Variants in DUSP26 observed in about 807,000 individuals in gnomAD.
DUSP26 encodes dual specificity phosphatase 26.
Under a neutral mutation model 20.0 loss-of-function variants are expected in DUSP26, and 12 were observed. The ratio of observed to expected loss-of-function variants is 0.60; its 90% CI spans 0.38 to 0.97. The LOEUF is 0.97. Among genes scored for constraint, DUSP26 ranks in the 50% least tolerant of loss-of-function variants. The pLI is 0.00. For missense variants in DUSP26, 230 were observed against 294.0 expected (o/e 0.78, Z 1.59); for synonymous variants, 120 against 118.8 (o/e 1.01, Z -0.06).
chr8:33,597,573 A>T lies in DUSP26; in HGVS notation c.-58T>A. The T allele has an allele frequency of 6.8e-7, 1 of 1,477,112 alleles. No individual in the cohort carries two copies. The highest frequency in any genetic ancestry group is 9.2e-7 in the Non-Finnish European group (1 of 1,084,510). The allele number at this position is 1,477,112 out of a possible 1,614,324, so 91.5% of individuals were successfully genotyped here. ...GAGTGGCTGTGGTGATGATGGGTTC[A>T]GTTGCCAGGTAGCTGCTGCTGGAAG... On this transcript the variant is annotated 5_prime_UTR_variant, in exon 2 of 4. Transcript: ENST00000256261.
intron 2 of DUSP26, among the ~76,000 whole-genome samples, chr8:33,595,122 G>C (rs1811111700): frequency 6.6e-6 from 1 of 152,086 alleles, no homozygotes; most frequent in Non-Finnish European, 1.5e-5. Context: ...CTGTCCCTGG[G>C]GTATTCAGGC....
rs553251035 is a variant in DUSP26 at position 33,594,442 on chromosome 8, A to C, written c.222-695T>G. 2.0e-4 allele frequency among the ~76,000 whole-genome samples: 31 copies of C among 151,664 alleles called. 1 individual carries two copies. In the South Asian group the frequency reaches 6.3e-3, roughly 31 times the overall value. The stretch of plus-strand genomic sequence containing the variant: ...CCCATCTCTACTAAAAATAGAAAAA[A>C]TTAGCTGGGTGTGGTGGTAGGCGCC... On this transcript the variant is annotated intron_variant, in intron 2 of 3. Coordinates refer to ENST00000256261, the MANE Select transcript of DUSP26 (RefSeq NM_024025.3).
intron 1 of DUSP26, chr8:33,597,864 C>A (rs940817443): frequency 3.7e-5 from 9 of 243,694 alleles, no homozygotes; most frequent in Admixed American, 1.6e-4. Flanking sequence ...ATCACCCCAC[C>A]CCCACTGCCA....
chr8:33,595,094 C>G (rs3888869), intron 2 of DUSP26, among the ~76,000 whole-genome samples: 8,211 of 152,080 alleles, frequency 0.054, 351 homozygotes, highest in East Asian at 0.13. Flanking sequence ...TGGAGAACCT[C>G]GAGAGAGAGT....
At chr8:33,597,140 C>T (rs1486663082) in intron 2 of DUSP26, among the ~76,000 whole-genome samples, 155 bp downstream of exon 2, 1 of 152,078 alleles carries the variant, frequency 6.6e-6, no homozygotes, top group Non-Finnish European at 1.5e-5. Flanking sequence ...CTCTCCCAAA[C>T]CTGCAGCCTC....
chr8:33,591,940 C>A lies in DUSP26; in HGVS notation c.*73G>T. The A allele has an allele frequency of 6.3e-7, 1 of 1,575,190 alleles. No homozygotes were observed. The highest frequency in any genetic ancestry group is 1.7e-5 in the Admixed American group (1 of 58,196). On this transcript the variant is annotated 3_prime_UTR_variant, in exon 4 of 4. Coordinates refer to ENST00000256261, the MANE Select transcript of DUSP26 (RefSeq NM_024025.3). ...GATCTGGGCCTCCTGCTACCTGCCA[C>A]CTGGGCCTCCTATCTCCAGCTGGGA... is the stretch of plus-strand genomic sequence containing the variant.
chr8:33,593,568 G>A lies in DUSP26; in HGVS notation c.401C>T (p.Ala134Val). 1 of 1,614,010 alleles carries A rather than the reference G, an allele frequency of 6.2e-7. No homozygotes were observed. The highest frequency in any genetic ancestry group is 8.5e-7 in the Non-Finnish European group (1 of 1,179,900). ...FDMSIHFQTA[A>V]DFIHRALSQP... The stretch of plus-strand genomic sequence containing the variant: ...GCTCAGCGCCCGGTGGATGAAGTCG[G>A]CAGCCGTCTGGAAGTGGATGCTCAT... The change falls in exon 3 of 4, where the codon GCC (alanine) becomes GTC (valine). Residue 134 changes from alanine (A) to valine (V), a missense_variant. Coordinates refer to ENST00000256261, the MANE Select transcript of DUSP26 (RefSeq NM_024025.3).
chr8:33,594,683 A>C (rs535144148), intron 2 of DUSP26, among the ~76,000 whole-genome samples: 12 of 151,930 alleles, frequency 7.9e-5, no homozygotes, highest in Non-Finnish European at 1.6e-4. Context: ...GGGTACAATG[A>C]GGATCAAGGA....
At chr8:33,597,715 C>A in intron 1 of DUSP26, 124 bp from the exon 2 acceptor site, 3 of 528,122 alleles carry the variant, frequency 5.7e-6, no homozygotes, top group South Asian at 5.7e-5. Context: ...CTGGCAGGAG[C>A]CTTCAGGGGT....
chr8:33,593,554 G>A lies in DUSP26; in HGVS notation c.415C>T (p.Arg139Trp), dbSNP rs376826832. 3.7e-5 allele frequency: 59 copies of A among 1,613,634 alleles called. No individual in the cohort carries two copies. Among genetic ancestry groups the A allele is most frequent in the Admixed American group, 8.3e-5 (5 of 60,002 alleles). Residue 139 changes from arginine (R) to tryptophan (W), a missense_variant, in exon 3 of 4, where the codon CGG (arginine) becomes TGG (tryptophan). Arg to Trp is a moderately radical substitution (Grantham distance 101, BLOSUM62 -3). Transcript: ENST00000256261. Reference sequence around the variant, plus strand: ...CTACCTCCTGGCTGGCTCAGCGCCCGGTGGATGAAGTCGGCAGCCGTCTGG... The same window carrying A: ...CTACCTCCTGGCTGGCTCAGCGCCCAGTGGATGAAGTCGGCAGCCGTCTGG... ...HFQTAADFIH[R>W]ALSQPGGKIL...
intron 3 of DUSP26, 71 bp downstream of exon 3, chr8:33,593,462 C>G: frequency 2.6e-6 from 4 of 1,545,404 alleles, no homozygotes; most frequent in Middle Eastern, 2.1e-4. Context: ...TCTCACTCCA[C>G]TCTCAGACCC....
intron 2 of DUSP26, among the ~76,000 whole-genome samples, chr8:33,594,368 G>A (rs952713426): frequency 8.6e-5 from 13 of 151,712 alleles, no homozygotes; most frequent in African/African-American, 1.7e-4. Flanking sequence ...CGAGGCGGGC[G>A]GATCACGAGG....
At chr8:33,595,100 A>C (rs1811111296) in intron 2 of DUSP26, among the ~76,000 whole-genome samples, 1 of 152,092 alleles carries the variant, frequency 6.6e-6, no homozygotes, top group Non-Finnish European at 1.5e-5. Flanking sequence ...ACCTCGAGAG[A>C]GAGTGGTTTT....
chr8:33,597,905 A>ACACACACACACACACACACACC (rs1811188457), intron 1 of DUSP26: 1 of 189,078 alleles, frequency 5.3e-6, no homozygotes, highest in East Asian at 1.5e-4. Flanking sequence ...ACACACACAC[A>ACACACACACACACACACACACC]CACACGGCAC....
chr8:33,593,398 T>G, intron 3 of DUSP26, 135 bp downstream of exon 3: 2 of 992,238 alleles, frequency 2.0e-6, no homozygotes, highest in Non-Finnish European at 2.9e-6. Flanking sequence ...ATGGTTGAGA[T>G]AATATTTTTT....
rs1278066606 is a variant in DUSP26 at position 33,593,607 on chromosome 8, G to A, written c.362C>T (p.Ser121Leu). ...IRYLGVEAHD[S>L]PAFDMSIHFQ... Reference sequence around the variant, plus strand: ...GTGGATGCTCATGTCAAAGGCTGGCGAGTCGTGGGCCTCAACACCCAGGTA... The same window carrying A: ...GTGGATGCTCATGTCAAAGGCTGGCAAGTCGTGGGCCTCAACACCCAGGTA... Residue 121 changes from serine (S) to leucine (L), a missense_variant, in exon 3 of 4, where the codon TCG becomes TTG. By Grantham distance (145) the Ser-to-Leu change is moderately radical. Coordinates refer to ENST00000256261, the MANE Select transcript of DUSP26 (RefSeq NM_024025.3). 7 of 1,614,216 alleles carry A rather than the reference G, an allele frequency of 4.3e-6. No homozygotes were observed. The highest frequency in any genetic ancestry group is 4.5e-5 in the East Asian group (2 of 44,884).
chr8:33,593,606 C>A lies in DUSP26; in HGVS notation c.363G>T (p.Ser121=). 6.2e-7 allele frequency: 1 copy of A among 1,614,136 alleles called. No individual in the cohort carries two copies. The highest frequency in any genetic ancestry group is 1.1e-5 in the South Asian group (1 of 91,086). The change falls in exon 3 of 4, where the codon TCG becomes TCT. Residue 121 remains serine (S), a synonymous_variant. Transcript: ENST00000256261. ...AGTGGATGCTCATGTCAAAGGCTGGCGAGTCGTGGGCCTCAACACCCAGGT... is the reference window on the plus strand; with the variant it reads ...AGTGGATGCTCATGTCAAAGGCTGGAGAGTCGTGGGCCTCAACACCCAGGT... ...IRYLGVEAHD[S]PAFDMSIHFQ...
At chr8:33,594,673 G>A (rs965285485) in intron 2 of DUSP26, among the ~76,000 whole-genome samples, 2 of 151,804 alleles carry the variant, frequency 1.3e-5, no homozygotes, top group Non-Finnish European at 2.9e-5. Flanking sequence ...GGGTTCTCAA[G>A]GGTACAATGA....
intron 2 of DUSP26, among the ~76,000 whole-genome samples, chr8:33,596,011 C>T (rs183916487): frequency 3.3e-4 from 51 of 152,252 alleles, no homozygotes; most frequent in Admixed American, 9.8e-4. Flanking sequence ...AGGCCAGGCA[C>T]GGTGGCTCAT....
Sources: allele counts gnomAD v4.1 joint callset (sites outside exome capture counted in the v4.1 genomes callset), GRCh38; gene constraint gnomAD v4.1.1; transcripts MANE v1.5; gene names NCBI Gene and HGNC (gene_info 2026-07-23, HGNC 2026-07-21).